The following PDPN variants were observed in gnomAD, a reference collection of about 807,000 sequenced individuals.
PDPN encodes the protein podoplanin, also known as PA2.26 antigen.
PDPN carries 12 observed loss-of-function variants against 23.2 expected under a neutral mutation model. The ratio of observed to expected loss-of-function variants is 0.52; its 90% CI spans 0.33 to 0.84. The LOEUF (loss-of-function observed/expected upper bound fraction) is 0.84, where lower values mean the gene tolerates loss of function less well. Ranked by LOEUF, PDPN falls within the 40% of genes least tolerant of loss-of-function variation. The pLI is 0.02. For synonymous variants in PDPN, 77 were observed against 76.7 expected (o/e 1.00, Z -0.02); for missense variants, 199 against 212.2 (o/e 0.94, Z 0.39).
At chr1:13,591,231 T>C (rs983228679) in intron 1 of PDPN, among the ~76,000 whole-genome samples, 3 of 152,080 alleles carry the variant, frequency 2.0e-5, no homozygotes, top group Admixed American at 1.3e-4. Context: ...TGAGCCACCA[T>C]GTGCAGCGAG....
intron 1 of PDPN, among the ~76,000 whole-genome samples, chr1:13,602,294 C>T (rs1401219679): frequency 2.0e-5 from 3 of 152,008 alleles, no homozygotes; most frequent in South Asian, 2.1e-4. Flanking sequence ...TGCCACTGTA[C>T]TCCAGCCTGG....
intron 1 of PDPN, among the ~76,000 whole-genome samples, chr1:13,585,880 T>G (rs1640165075): frequency 2.0e-5 from 3 of 152,100 alleles, no homozygotes; most frequent in African/African-American, 4.8e-5. Flanking sequence ...GGAGCTGGGC[T>G]GGGGGGTAAT....
At position 13,584,093 on chromosome 1, in the gene PDPN, A is replaced by G. The variant is rs761020351; in HGVS notation, c.60A>G (p.Ala20=). The part of the protein sequence containing the change: ...VLGSASLWVL[A]EGASTGQPED... ...GAAGCGCGTCGCTCTGGGTCCTGGC[A>G]GAAGGAGGTAAGACCCAGCGCAAGT... The change falls in exon 1 of 6, where the codon GCA becomes GCG. Residue 20 remains alanine (A), a synonymous_variant. Transcript: ENST00000621990. The G allele has an allele frequency of 3.1e-6, 5 of 1,613,008 alleles. No individual in the cohort carries two copies. The highest frequency in any genetic ancestry group is 4.2e-6 in the Non-Finnish European group (5 of 1,179,982).
intron 1 of PDPN, among the ~76,000 whole-genome samples, chr1:13,590,789 G>T (rs1165049091): frequency 2.0e-5 from 3 of 151,398 alleles, no homozygotes; most frequent in African/African-American, 7.3e-5. Context: ...CATGAATGCT[G>T]GTTGTCAGAA....
chr1:13,594,715 G>A (rs533345888), intron 1 of PDPN, among the ~76,000 whole-genome samples: 8 of 152,178 alleles, frequency 5.3e-5, no homozygotes, highest in Admixed American at 2.0e-4. Flanking sequence ...TGCTGGGTAC[G>A]GTGGCTTACG....
chr1:13,584,319 C>G, intron 1 of PDPN: 17 of 1,497,268 alleles, frequency 1.1e-5, no homozygotes, highest in Non-Finnish European at 1.5e-5. Flanking sequence ...CCGGGAGGAG[C>G]CCCGGAATCC....
intron 1 of PDPN, among the ~76,000 whole-genome samples, chr1:13,596,292 C>T (rs1288171970): frequency 6.6e-6 from 1 of 152,012 alleles, no homozygotes; most frequent in East Asian, 1.9e-4. Context: ...TGGTGCCAGA[C>T]TCTAGGAATC....
intron 1 of PDPN, among the ~76,000 whole-genome samples, chr1:13,592,334 T>C (rs1349852769): frequency 6.6e-6 from 1 of 152,202 alleles, no homozygotes; most frequent in Non-Finnish European, 1.5e-5. Context: ...TAAATGTATC[T>C]GTGTTTTGTT....
intron 1 of PDPN, among the ~76,000 whole-genome samples, chr1:13,593,757 C>T (rs772613701): frequency 2.6e-5 from 4 of 152,154 alleles, no homozygotes; most frequent in East Asian, 1.9e-4. Context: ...TCCGAGCAGA[C>T]GGCAAGTGCT....
At chr1:13,594,987 T>C (rs1570022869) in intron 1 of PDPN, among the ~76,000 whole-genome samples, 3 of 134,906 alleles carry the variant, frequency 2.2e-5, no homozygotes, top group South Asian at 4.7e-4. Flanking sequence ...AGAGCGAGAC[T>C]CCTTCTCAAA....
At chr1:13,585,658 G>A (rs1488549742) in intron 1 of PDPN, 5 of 1,350,358 alleles carry the variant, frequency 3.7e-6, no homozygotes, top group South Asian at 1.1e-5. Flanking sequence ...AAAAGATGGC[G>A]TTAAAACCGA....
intron 1 of PDPN, among the ~76,000 whole-genome samples, chr1:13,599,373 CTTTTTTTTTTT>C (rs70984267): frequency 0.18 from 14,071 of 76,980 alleles, 1,017 homozygotes; most frequent in Middle Eastern, 0.28. Context: ...GAGAAGCTAT[CTTTTTTTTTTT>C]TTTTTTTTTT....
chr1:13,592,627 G>A (rs796604971), intron 1 of PDPN, among the ~76,000 whole-genome samples: 7 of 141,214 alleles, frequency 5.0e-5, no homozygotes, highest in African/African-American at 1.9e-4. Context: ...TTGGCTCACC[G>A]CAACCTCCGC....
intron 1 of PDPN, among the ~76,000 whole-genome samples, chr1:13,596,165 C>A (rs923308667): frequency 1.3e-5 from 2 of 148,648 alleles, no homozygotes; most frequent in Non-Finnish European, 1.5e-5. Flanking sequence ...CACCACTGCA[C>A]TCTAGCCTGG....
At chr1:13,597,929 T>C (rs1182748834) in intron 1 of PDPN, among the ~76,000 whole-genome samples, 3 of 152,028 alleles carry the variant, frequency 2.0e-5, no homozygotes, top group African/African-American at 7.2e-5. Context: ...GAGCCAAGAT[T>C]GTGCCACTGC....
intron 1 of PDPN, among the ~76,000 whole-genome samples, chr1:13,588,980 A>T (rs866478346): frequency 7.9e-6 from 1 of 126,794 alleles, no homozygotes; most frequent in Admixed American, 8.1e-5. Flanking sequence ...TTCATTGAAT[A>T]GCTACTATTC....
intron 1 of PDPN, among the ~76,000 whole-genome samples, chr1:13,592,076 A>G (rs970703831): frequency 6.6e-6 from 1 of 152,246 alleles, no homozygotes; most frequent in Non-Finnish European, 1.5e-5. Context: ...GATGCTGAGC[A>G]TCTTTTTATG....
rs527860104 is a variant in PDPN, at chr1:13,590,213, C to A, written c.67+6113C>A. Among the ~76,000 whole-genome samples the A allele has an allele frequency of 1.3e-4, 20 of 152,344 alleles. 1 individual carries two copies. In the South Asian group the frequency reaches 3.5e-3, roughly 27 times the overall value. ...ATACATAATGCTGATGATGTGTATC[C>A]CCAGTGCTGGGAGTACTGAATCGAA... On this transcript the variant is annotated intron_variant, in intron 1 of 5. Coordinates refer to ENST00000621990, the MANE Select transcript of PDPN (RefSeq NM_006474.5).
At chr1:13,592,263 G>T (rs1640366863) in intron 1 of PDPN, among the ~76,000 whole-genome samples, 1 of 152,134 alleles carries the variant, frequency 6.6e-6, no homozygotes, top group Admixed American at 6.5e-5. Flanking sequence ...CCTTTGGACT[G>T]GGTTGTCTTT....
Sources: allele counts gnomAD v4.1 joint callset (sites outside exome capture counted in the v4.1 genomes callset), GRCh38; gene constraint gnomAD v4.1.1; transcripts MANE v1.5; gene names NCBI Gene and HGNC (gene_info 2026-07-23, HGNC 2026-07-21).